LY86: variants seen among roughly 807,000 people sequenced by gnomAD.
LY86 encodes the protein MD-1, RP105-associated.
In LY86, 20 loss-of-function variants were observed where a neutral mutation model predicts 17.3. The ratio of observed to expected loss-of-function variants is 1.15; its 90% CI spans 0.81 to 1.68. LY86 has a LOEUF of 1.68. LY86 is among the 40% of genes most tolerant of loss of function. The pLI is 0.00. For synonymous variants in LY86, 74 were observed against 70.6 expected (o/e 1.05, Z -0.24); for missense variants, 200 against 191.9 (o/e 1.04, Z -0.25).
chr6:6,646,728 T>G (rs191872876), intron 3 of LY86, among the ~76,000 whole-genome samples: 21 of 152,280 alleles, frequency 1.4e-4, no homozygotes, highest in African/African-American at 5.1e-4. Flanking sequence ...TCGCCATAGA[T>G]TCTACGGTAT....
intron 1 of LY86, among the ~76,000 whole-genome samples, chr6:6,593,301 G>A (rs1053923233): frequency 6.6e-6 from 1 of 152,136 alleles, no homozygotes; most frequent in African/African-American, 2.4e-5. Context: ...TCATCACATG[G>A]CCTTCCTGTT....
intron 4 of LY86, among the ~76,000 whole-genome samples, chr6:6,651,847 G>T (rs1461437450): frequency 6.6e-6 from 1 of 151,890 alleles, no homozygotes; most frequent in Non-Finnish European, 1.5e-5. Flanking sequence ...CTTGAGGTTG[G>T]AAGTTCAAGA....
rs142101805 is a variant in LY86 at position 6,612,446 on chromosome 6, G to A, written c.137-12480G>A. Among the ~76,000 whole-genome samples the A allele has an allele frequency of 6.0e-3, 907 of 152,234 alleles. 10 individuals carry two copies. Among genetic ancestry groups the A allele is most frequent in the South Asian group, 0.034 (164 of 4,820 alleles). On this transcript the variant is annotated intron_variant, in intron 1 of 4. Transcript: ENST00000230568. ...ATAAAAGAAACCGCAAACCTTCATG[G>A]GGAGTGTTACACTTCATAAAAGCAA...
At chr6:6,595,341 G>A (rs987797183) in intron 1 of LY86, among the ~76,000 whole-genome samples, 1 of 144,674 alleles carries the variant, frequency 6.9e-6, no homozygotes, top group Non-Finnish European at 1.5e-5. Flanking sequence ...GGAGAGAAAT[G>A]AGAAGCAGGA....
chr6:6,625,080 T>C, intron 2 of LY86, 68 bp downstream of exon 2: 2 of 686,642 alleles, frequency 2.9e-6, no homozygotes, highest in Non-Finnish European at 5.0e-6. Context: ...ACACACCCAA[T>C]GACTTATGTT....
At chr6:6,601,782 C>T (rs1392200031) in intron 1 of LY86, among the ~76,000 whole-genome samples, 1 of 152,166 alleles carries the variant, frequency 6.6e-6, no homozygotes, top group Non-Finnish European at 1.5e-5. Context: ...GTGCTTGCCT[C>T]ATCTAAAGAG....
intron 3 of LY86, among the ~76,000 whole-genome samples, chr6:6,648,872 C>T (rs1407217422): frequency 6.6e-6 from 1 of 151,938 alleles, no homozygotes; most frequent in African/African-American, 2.4e-5. Context: ...CTGGCCCCTC[C>T]CCCACCACAC....
chr6:6,641,116 C>G (rs1762033616), intron 3 of LY86, among the ~76,000 whole-genome samples: 1 of 152,230 alleles, frequency 6.6e-6, no homozygotes, highest in Admixed American at 6.5e-5. Context: ...ACCCTTCACA[C>G]AGCCAATGGG....
Position 6,626,289 on chromosome 6 carries a change from C to G in LY86, c.224-4C>G, listed in dbSNP as rs1231008688. 6.2e-7 allele frequency: 1 copy of G among 1,613,584 alleles called. No homozygotes were observed. Among genetic ancestry groups the G allele is most frequent in the African/African-American group, 1.3e-5 (1 of 75,016 alleles). ...GAGTAAAGCTGTTCTTCTCTTTCCT[C>G]CAGGAGAGGACATCAAAGAGCTTTT... On this transcript the variant is annotated splice_polypyrimidine_tract_variant and splice_region_variant and intron_variant, in intron 2 of 4. Coordinates refer to ENST00000230568, the MANE Select transcript of LY86 (RefSeq NM_004271.4).
At chr6:6,612,904 C>T (rs1426706905) in intron 1 of LY86, among the ~76,000 whole-genome samples, 20 of 151,762 alleles carry the variant, frequency 1.3e-4, no homozygotes, top group Non-Finnish European at 4.4e-5. Context: ...TCTCCAAGTC[C>T]TCACCAGCTT....
intron 1 of LY86, among the ~76,000 whole-genome samples, chr6:6,605,605 T>C (rs1158562033): frequency 6.6e-6 from 1 of 152,256 alleles, no homozygotes; most frequent in African/African-American, 2.4e-5. Flanking sequence ...CTCATGACAT[T>C]GCAGCCTCAT....
At chr6:6,612,537 C>G (rs530053529) in intron 1 of LY86, among the ~76,000 whole-genome samples, 4 of 152,302 alleles carry the variant, frequency 2.6e-5, no homozygotes, top group African/African-American at 7.2e-5. Context: ...ACCAACCACA[C>G]AAAAGCAACG....
chr6:6,605,559 A>G (rs534139160), intron 1 of LY86, among the ~76,000 whole-genome samples: 23 of 152,368 alleles, frequency 1.5e-4, no homozygotes, highest in African/African-American at 5.5e-4. Context: ...CGTGCTTCCC[A>G]CGGAGTGGGA....
intron 3 of LY86, among the ~76,000 whole-genome samples, chr6:6,627,491 G>A (rs940465512): frequency 6.6e-6 from 1 of 152,156 alleles, no homozygotes; most frequent in Non-Finnish European, 1.5e-5. Flanking sequence ...CATCCCTCCC[G>A]AGTGTGTGGC....
Position 6,626,397 on chromosome 6 carries a change from TC to T in LY86, c.329del (p.Ser110PhefsTer58), listed in dbSNP as rs1444657696. On this transcript the variant is annotated frameshift_variant, in exon 3 of 5. Transcript: ENST00000230568. LOFTEE classifies it high-confidence loss of function. ...PICEAALPKFSFCGRRKGEQI... is the reference protein window; with the variant it reads ...PICEAALPKFXFCGRRKGEQI... ...CTGTGAGGCGGCTCTGCCCAAGTTT[TC>T]TTTCTGTGGAAGAAGGAAAGGAGGT... 1 of 1,613,846 alleles carries T rather than the reference TC, an allele frequency of 6.2e-7. No homozygotes were observed. Among genetic ancestry groups the T allele is most frequent in the African/African-American group, 1.3e-5 (1 of 74,938 alleles).
intron 3 of LY86, among the ~76,000 whole-genome samples, chr6:6,633,491 TCATCCCATGATGATCTGTGATAC>T (rs759911061): frequency 9.9e-5 from 15 of 152,152 alleles, no homozygotes; most frequent in Non-Finnish European, 2.1e-4. Context: ...ACTGCACAGA[TCATCCCATGATGATCTGTGATAC>T]CATCCCATGA....
In LY86 at chr6:6,653,262, T is replaced by C. The variant is rs569351558; in HGVS notation, c.406-1282T>C. On this transcript the variant is annotated intron_variant, in intron 4 of 4. Transcript: ENST00000230568. The stretch of plus-strand genomic sequence containing the variant: ...TGCTCCCTTCTAACAAAAGCCACCT[T>C]TCATGCAGCTTCTCTCCGGTGGTCT... Among the ~76,000 whole-genome samples the C allele has an allele frequency of 1.4e-3, 210 of 152,232 alleles. 2 individuals carry two copies. The highest frequency in any genetic ancestry group is 3.9e-4 in the East Asian group (2 of 5,174).
At chr6:6,621,601 A>G (rs1761678552) in intron 1 of LY86, 1 of 152,262 alleles carries the variant, frequency 6.6e-6, no homozygotes, top group Admixed American at 6.5e-5. Context: ...TGCTACTGGC[A>G]TCTGGTGGGT....
In LY86 at chr6:6,624,763, G is replaced by A. The variant is rs528721398; in HGVS notation, c.137-163G>A. On this transcript the variant is annotated intron_variant, in intron 1 of 4. Transcript: ENST00000230568. ...TGATGTTGGCTTTGAAGACACGGGG[G>A]GGAGCTGATGAAAATATCATGGGCT... Among the ~76,000 whole-genome samples the A allele has an allele frequency of 2.0e-5, 3 of 152,236 alleles. No homozygotes were observed. The East Asian group carries it at 5.8e-4, about 29-fold the overall frequency.
Sources: gnomAD v4.1 joint callset for allele counts (sites outside exome capture counted in the v4.1 genomes callset) on GRCh38, gnomAD v4.1.1 for gene constraint, MANE v1.5 for transcripts, NCBI Gene and HGNC (gene_info 2026-07-23, HGNC 2026-07-21) for gene names.